The following CNTN1 variants were observed in gnomAD, a reference collection of about 807,000 sequenced individuals.
CNTN1 encodes the protein contactin-1.
CNTN1 carries 38 observed loss-of-function variants against 126.4 expected under a neutral mutation model. That is an observed-to-expected ratio of 0.30 (90% CI 0.23 to 0.39). The LOEUF (loss-of-function observed/expected upper bound fraction) is 0.39, where lower values mean the gene tolerates loss of function less well. Ranked by LOEUF, CNTN1 falls within the 10% of genes least tolerant of loss-of-function variation. The pLI is 1.00. For synonymous variants in CNTN1, 413 were observed against 422.6 expected, an observed-to-expected ratio of 0.98 and a Z score of 0.28; for missense variants, 1,009 against 1,248.4, an observed-to-expected ratio of 0.81 and a Z score of 2.89.
chr12:40,719,900 C>G (rs1178797627), intron 1 of CNTN1, among the ~76,000 whole-genome samples: 1 of 151,952 alleles, frequency 6.6e-6, no homozygotes, highest in Non-Finnish European at 1.5e-5. Context: ...TGCAGTGGCG[C>G]GATCACGGCT....
intron 17 of CNTN1, among the ~76,000 whole-genome samples, chr12:40,996,055 C>T (rs906833106): frequency 2.6e-5 from 4 of 152,052 alleles, no homozygotes; most frequent in Non-Finnish European, 2.9e-5. Flanking sequence ...ATTGTGGCTC[C>T]GGGCCACTGA....
chr12:40,834,241 C>T (rs1368521017), intron 1 of CNTN1, among the ~76,000 whole-genome samples: 3 of 152,074 alleles, frequency 2.0e-5, no homozygotes, highest in Non-Finnish European at 2.9e-5. Flanking sequence ...GAACAGTAAA[C>T]GATTTTAAGA....
chr12:40,918,716 G>A lies in CNTN1; in HGVS notation c.172G>A (p.Glu58Lys). The change falls in exon 4 of 24, where the codon GAA (glutamate) becomes AAA (lysine). Residue 58 changes from glutamate to lysine, a missense_variant. Glu to Lys is a moderately conservative substitution (Grantham distance 56). Transcript: ENST00000551295. ...TACCATTTATCCAGAGGAATCACTGGAAGGAAAAGTCTCACTCAACTGTAG... is the reference window on the plus strand; with the variant it reads ...TACCATTTATCCAGAGGAATCACTGAAAGGAAAAGTCTCACTCAACTGTAG... ...INTIYPEESL[E>K]GKVSLNCRAR... 1 of 1,613,716 alleles carries A rather than the reference G, an allele frequency of 6.2e-7. No individual in the cohort carries two copies. The highest frequency in any genetic ancestry group is 8.5e-7 in the Non-Finnish European group (1 of 1,179,706).
intron 12 of CNTN1, among the ~76,000 whole-genome samples, chr12:40,943,228 C>T (rs1946317990): frequency 6.6e-6 from 1 of 151,940 alleles, no homozygotes; most frequent in Non-Finnish European, 1.5e-5. Flanking sequence ...TCTCTGTAGC[C>T]ATGGAAATGG....
chr12:40,954,516 A>T (rs1190420741), intron 14 of CNTN1, among the ~76,000 whole-genome samples: 2 of 152,142 alleles, frequency 1.3e-5, no homozygotes, highest in Non-Finnish European at 2.9e-5. Context: ...ATAAAATAAC[A>T]TCTTTTACCT....
intron 16 of CNTN1, among the ~76,000 whole-genome samples, chr12:40,985,399 T>C (rs1055629540): frequency 6.6e-6 from 1 of 152,134 alleles, no homozygotes; most frequent in Non-Finnish European, 1.5e-5. Flanking sequence ...TTCAAATTGT[T>C]CAGGTTGTTG....
chr12:40,889,907 T>A (rs1944181875), intron 1 of CNTN1, among the ~76,000 whole-genome samples: 1 of 152,186 alleles, frequency 6.6e-6, no homozygotes, highest in Non-Finnish European at 1.5e-5. Context: ...TACCTACACG[T>A]AATTTTGAAG....
chr12:40,703,527 T>C (rs555023952), intron 1 of CNTN1, among the ~76,000 whole-genome samples: 1 of 152,342 alleles, frequency 6.6e-6, no homozygotes, highest in Non-Finnish European at 1.5e-5. Context: ...AAAATAGATA[T>C]GGAAGTTAAG....
At position 40,949,561 on chromosome 12, in the gene CNTN1, TTTTC is replaced by T. The variant is rs1412129388; in HGVS notation, c.1683+5399_1683+5402del. Among the ~76,000 whole-genome samples the T allele has an allele frequency of 4.2e-5, 6 of 141,994 alleles. No individual in the cohort carries two copies. The South Asian group carries it at 8.8e-4, about 21-fold the overall frequency. 93.2% of individuals were successfully genotyped at this position (141,994 alleles called of 152,430 possible). On this transcript the variant is annotated intron_variant, in intron 14 of 23. Transcript: ENST00000551295. Reference sequence around the variant, plus strand: ...TGTTTTTGTGGGTTTTCTTCTTTTCTTTTCTTTCTTTTTTTTTTTTTTTTTTTTT... The same window carrying T: ...TGTTTTTGTGGGTTTTCTTCTTTTCTTTTCTTTTTTTTTTTTTTTTTTTTT...
At chr12:40,971,915 G>A (rs1054142941) in intron 15 of CNTN1, 19 of 1,039,908 alleles carry the variant, frequency 1.8e-5, no homozygotes, top group Admixed American at 1.2e-4. Context: ...AGCAGGTAAT[G>A]AACAATGTTG....
intron 1 of CNTN1, among the ~76,000 whole-genome samples, chr12:40,789,183 C>T (rs1274821122): frequency 1.3e-5 from 2 of 152,044 alleles, no homozygotes; most frequent in Non-Finnish European, 2.9e-5. Flanking sequence ...TGACTTTCTG[C>T]TATGAAAGTT....
intron 1 of CNTN1, among the ~76,000 whole-genome samples, chr12:40,762,582 T>C (rs183875099): frequency 4.6e-5 from 7 of 152,310 alleles, no homozygotes; most frequent in East Asian, 3.9e-4. Flanking sequence ...TAAACATCTT[T>C]ATATAATATA....
intron 1 of CNTN1, among the ~76,000 whole-genome samples, chr12:40,775,948 TATAG>T (rs1425830118): frequency 6.6e-6 from 1 of 151,604 alleles, no homozygotes; most frequent in Non-Finnish European, 1.5e-5. Flanking sequence ...CAATTACAGA[TATAG>T]ATAGATTTTT....
chr12:40,973,637 C>T (rs1488665761), intron 15 of CNTN1, among the ~76,000 whole-genome samples: 3 of 152,096 alleles, frequency 2.0e-5, no homozygotes, highest in African/African-American at 7.2e-5. Flanking sequence ...AGTGTTTTTC[C>T]TACTTACACC....
chr12:40,922,083 T>A (rs1252380272), intron 4 of CNTN1, among the ~76,000 whole-genome samples, 173 bp from the exon 5 acceptor site: 1 of 152,194 alleles, frequency 6.6e-6, no homozygotes, highest in Non-Finnish European at 1.5e-5. Flanking sequence ...AATTACAAAT[T>A]ATGGTCCTAG....
chr12:40,835,808 A>ACT, intron 1 of CNTN1, among the ~76,000 whole-genome samples: 1 of 132,804 alleles, frequency 7.5e-6, no homozygotes, highest in South Asian at 2.3e-4. Context: ...ATACACACAC[A>ACT]CACACACACA....
At chr12:40,823,277 A>G (rs1941509193) in intron 1 of CNTN1, among the ~76,000 whole-genome samples, 1 of 152,182 alleles carries the variant, frequency 6.6e-6, no homozygotes, top group African/African-American at 2.4e-5. Context: ...TTTGAGAAAA[A>G]ACATTCTGTT....
chr12:41,014,336 T>C (rs1370939935), intron 18 of CNTN1, 38 bp downstream of exon 18: 1 of 1,594,882 alleles, frequency 6.3e-7, no homozygotes, highest in Non-Finnish European at 8.6e-7. Flanking sequence ...TAGGTTGCTG[T>C]ATCTATATTT....
chr12:41,067,298 A>G (rs1026377081), intron 23 of CNTN1, among the ~76,000 whole-genome samples: 6 of 152,160 alleles, frequency 3.9e-5, no homozygotes, highest in Non-Finnish European at 8.8e-5. Flanking sequence ...TGGTTTTCAT[A>G]CTAGTACCAA....
Sources: allele counts gnomAD v4.1 joint callset (sites outside exome capture counted in the v4.1 genomes callset), GRCh38; gene constraint gnomAD v4.1.1; transcripts MANE v1.5; gene names NCBI Gene and HGNC (gene_info 2026-07-23, HGNC 2026-07-21).